The following GALNT17 variants were observed in gnomAD, a reference collection of about 807,000 sequenced individuals.
GALNT17 encodes UDP-GalNAc:polypeptide N-acetylgalactosaminyltransferase-like 3.
In GALNT17, 29 loss-of-function variants were observed where a neutral mutation model predicts 63.7. The ratio of observed to expected loss-of-function variants is 0.46; its 90% confidence interval spans 0.34 to 0.62. The LOEUF (loss-of-function observed/expected upper bound fraction) is 0.62, where lower values mean the gene tolerates loss of function less well. GALNT17 is among the 20% of genes least tolerant of loss of function. GALNT17 has a pLI of 0.01. For missense variants in GALNT17, 603 were observed against 799.6 expected, an observed-to-expected ratio of 0.75 and a Z score of 2.97; for synonymous variants, 305 against 318.3, an observed-to-expected ratio of 0.96 and a Z score of 0.45.
rs564340744 is a variant in GALNT17, at chr7:71,524,033, G to A, written c.963-47252G>A. Among the ~76,000 whole-genome samples, 280 of 150,704 alleles carry A rather than the reference G, an allele frequency of 1.9e-3. 2 individuals carry two copies. The highest frequency in any genetic ancestry group is 6.3e-3 in the African/African-American group (262 of 41,402). On this transcript the variant is annotated intron_variant, in intron 5 of 10. Transcript: ENST00000333538. ...CTCGGGAGGCTGAGGCAGGAGAATCGCTTGAACCCAGGAGTCAGAGGTTGC... is the reference window on the plus strand; with the variant it reads ...CTCGGGAGGCTGAGGCAGGAGAATCACTTGAACCCAGGAGTCAGAGGTTGC...
chr7:71,589,598 A>G (rs1789768995), intron 6 of GALNT17, among the ~76,000 whole-genome samples: 1 of 151,978 alleles, frequency 6.6e-6, no homozygotes, highest in African/African-American at 2.4e-5. Flanking sequence ...AAAAAGTAAT[A>G]CCTACTGTGG....
chr7:71,306,876 T>G (rs1448663268), intron 1 of GALNT17, among the ~76,000 whole-genome samples: 1 of 152,108 alleles, frequency 6.6e-6, no homozygotes, highest in Non-Finnish European at 1.5e-5. Context: ...CAGGCTGGAG[T>G]GCAGTGGCAC....
At chr7:71,422,333 T>C (rs79201000) in intron 5 of GALNT17, among the ~76,000 whole-genome samples, 1,645 of 152,302 alleles carry the variant, frequency 0.011, 32 homozygotes, top group African/African-American at 0.038. Flanking sequence ...TATAAAGGCT[T>C]TTGTGATTAC....
intron 2 of GALNT17, among the ~76,000 whole-genome samples, chr7:71,368,606 C>A (rs1164632326): frequency 6.6e-6 from 1 of 152,050 alleles, no homozygotes; most frequent in African/African-American, 2.4e-5. Flanking sequence ...TTTATCCTTC[C>A]GTGTCATAAT....
At chr7:71,471,840 T>C (rs985670704) in intron 5 of GALNT17, among the ~76,000 whole-genome samples, 2 of 152,138 alleles carry the variant, frequency 1.3e-5, no homozygotes, top group African/African-American at 4.8e-5. Flanking sequence ...CATTTCATGA[T>C]TGTGTTCTGA....
chr7:71,693,299 C>T (rs142464697), intron 9 of GALNT17, among the ~76,000 whole-genome samples: 2,265 of 116,162 alleles, frequency 0.019, 131 homozygotes, highest in African/African-American at 0.067. Flanking sequence ...CACACACACA[C>T]ACACACACAC....
chr7:71,204,297 AT>A (rs1789230005), intron 1 of GALNT17, among the ~76,000 whole-genome samples: 3 of 152,028 alleles, frequency 2.0e-5, no homozygotes, highest in Non-Finnish European at 4.4e-5. Flanking sequence ...TTTGATTACT[AT>A]ATCTTTGTAC....
At chr7:71,148,860 TTATATATATATA>T (rs59163644) in intron 1 of GALNT17, among the ~76,000 whole-genome samples, 3,288 of 103,320 alleles carry the variant, frequency 0.032, 197 homozygotes, top group African/African-American at 0.12. Context: ...TATGGTATTT[TTATATATATATA>T]TATATATATA....
chr7:71,334,537 C>G (rs943300512), intron 1 of GALNT17, among the ~76,000 whole-genome samples: 5 of 152,012 alleles, frequency 3.3e-5, no homozygotes, highest in African/African-American at 1.2e-4. Context: ...CAATGAGAAC[C>G]CTTAACAACA....
At chr7:71,656,523 C>T (rs1412263114) in intron 6 of GALNT17, among the ~76,000 whole-genome samples, 2 of 151,508 alleles carry the variant, frequency 1.3e-5, no homozygotes, top group South Asian at 2.1e-4. Context: ...TGGGAGCCAT[C>T]GAAGTTTGCA....
At chr7:71,220,884 C>G (rs1309351075) in intron 1 of GALNT17, among the ~76,000 whole-genome samples, 1 of 152,126 alleles carries the variant, frequency 6.6e-6, no homozygotes, top group Non-Finnish European at 1.5e-5. Flanking sequence ...CAATACACCC[C>G]CCTCTGTATT....
intron 5 of GALNT17, among the ~76,000 whole-genome samples, chr7:71,549,562 C>T (rs926217574): frequency 1.1e-4 from 17 of 152,056 alleles, no homozygotes; most frequent in African/African-American, 3.4e-4. Flanking sequence ...GGCAACAGAG[C>T]GAGACTCTTT....
intron 6 of GALNT17, among the ~76,000 whole-genome samples, chr7:71,632,690 G>A (rs1464017277): frequency 6.6e-6 from 1 of 152,174 alleles, no homozygotes; most frequent in African/African-American, 2.4e-5. Flanking sequence ...CCTTCTCTCA[G>A]GGCCCAGACC....
chr7:71,482,150 ATTTTT>A (rs149578252), intron 5 of GALNT17, among the ~76,000 whole-genome samples: 2 of 128,486 alleles, frequency 1.6e-5, no homozygotes, highest in Non-Finnish European at 1.6e-5. Context: ...ACAAGGATAC[ATTTTT>A]TTTTTTTTTT....
chr7:71,348,301 T>C (rs999551280), intron 2 of GALNT17, among the ~76,000 whole-genome samples: 1 of 152,122 alleles, frequency 6.6e-6, no homozygotes, highest in Admixed American at 6.5e-5. Context: ...GACTTAACTG[T>C]GTAAGAAAGA....
chr7:71,526,032 G>A (rs1325367942), intron 5 of GALNT17, among the ~76,000 whole-genome samples: 4 of 151,968 alleles, frequency 2.6e-5, no homozygotes, highest in Non-Finnish European at 5.9e-5. Context: ...CAGCCACCAC[G>A]CCCGGCCTCG....
chr7:71,472,997 G>A (rs1010724570), intron 5 of GALNT17, among the ~76,000 whole-genome samples: 1 of 152,178 alleles, frequency 6.6e-6, no homozygotes. Flanking sequence ...TATGAGACAA[G>A]AATTGTAGGT....
chr7:71,424,973 T>A (rs1207289684), intron 5 of GALNT17, among the ~76,000 whole-genome samples: 6 of 152,166 alleles, frequency 3.9e-5, no homozygotes, highest in Admixed American at 6.5e-5. Context: ...GTTCTTTTCC[T>A]GTTTCTTTCT....
chr7:71,157,475 T>A (rs956933531), intron 1 of GALNT17, among the ~76,000 whole-genome samples: 1 of 151,698 alleles, frequency 6.6e-6, no homozygotes, highest in East Asian at 1.9e-4. Flanking sequence ...CTGGCCAACA[T>A]GGTGAAACCC....
Sources: allele counts gnomAD v4.1 joint callset (sites outside exome capture counted in the v4.1 genomes callset), GRCh38; gene constraint gnomAD v4.1.1; transcripts MANE v1.5; gene names NCBI Gene and HGNC (gene_info 2026-07-23, HGNC 2026-07-21).